Variants in ZFX observed in about 807,000 individuals in gnomAD.
The protein encoded by ZFX is zinc finger protein X-linked.
For missense variants in ZFX, 362 were observed against 628.3 expected, an observed-to-expected ratio of 0.58 and a Z score of 4.53; for synonymous variants, 196 against 226.8, an observed-to-expected ratio of 0.86 and a Z score of 1.22.
chrX:24,177,642 A>G, intron 4 of ZFX: 1 of 723,170 alleles, frequency 1.4e-6, no homozygotes, highest in Non-Finnish European at 1.6e-6. Context: ...TGTGGTCTTT[A>G]GTCCCTCTTT....
At position 24,156,659 on chromosome X, in the gene ZFX, C is replaced by CTTTTTTTTTTT. The variant is rs1344319365; in HGVS notation, c.-29+3829_-29+3830insTTTTTTTTTTT. 7.3e-5 allele frequency among the ~76,000 whole-genome samples: 4 copies of CTTTTTTTTTTT among 54,689 alleles called. 1 individual carries two copies. The highest frequency in any genetic ancestry group is 1.3e-4 in the African/African-American group (1 of 7,606). 47.5% of individuals were successfully genotyped at this position (54,689 alleles called of 115,157 possible). A position where few individuals can be genotyped will look rare whatever the true frequency, so the allele number is the denominator to read the frequency against. On this transcript the variant is annotated intron_variant, in intron 3 of 9. Transcript: ENST00000304543. ...CTATACTATCCTGATTTAATAATAG[C>CTTTTTTTTTTT]CTTTTTTTTTTTGGAGACGGAGTTT...
At chrX:24,189,073 G>A (rs1388926912) in intron 5 of ZFX, among the ~76,000 whole-genome samples, 6 of 112,099 alleles carry the variant, frequency 5.4e-5, no homozygotes, top group Admixed American at 9.5e-5. Flanking sequence ...TTCTGACCTC[G>A]TGATCCGCCT....
intron 5 of ZFX, among the ~76,000 whole-genome samples, chrX:24,197,431 CA>C (rs1261763387): frequency 9.0e-6 from 1 of 111,417 alleles, no homozygotes; most frequent in Non-Finnish European, 1.9e-5. Context: ...AGAGAAGCAA[CA>C]ATAAGAAAAA....
chrX:24,184,038 G>A lies in ZFX; in HGVS notation c.646+4268G>A, dbSNP rs1376596208. Reference sequence around the variant, plus strand: ...AGCCTCCCAAAATGCTGGGATTACAGGCGTGAGCCACCATGCCTGGCTGAA... The same window carrying A: ...AGCCTCCCAAAATGCTGGGATTACAAGCGTGAGCCACCATGCCTGGCTGAA... On this transcript the variant is annotated intron_variant, in intron 5 of 9. Transcript: ENST00000304543. Among the ~76,000 whole-genome samples, 3 of 112,019 alleles carry A rather than the reference G, an allele frequency of 2.7e-5. No individual in the cohort carries two copies. The Admixed American group carries it at 2.8e-4, about 11-fold the overall frequency.
intron 5 of ZFX, among the ~76,000 whole-genome samples, chrX:24,195,275 C>T (rs1490001881): frequency 1.8e-5 from 2 of 109,482 alleles, no homozygotes; most frequent in Non-Finnish European, 3.8e-5. Context: ...CTCACTGAAC[C>T]TCTGCCTCCC....
intron 5 of ZFX, among the ~76,000 whole-genome samples, chrX:24,183,374 C>T (rs1166322330): frequency 9.0e-6 from 1 of 111,173 alleles, no homozygotes; most frequent in Non-Finnish European, 1.9e-5. Flanking sequence ...TTAGTAGAGA[C>T]GGGGTTTCAC....
At chrX:24,210,132 G>C in intron 9 of ZFX, 61 bp from the exon 10 acceptor site, 2 of 1,197,962 alleles carry the variant, frequency 1.7e-6, no homozygotes, top group Non-Finnish European at 2.3e-6. Context: ...CTTTATATTC[G>C]CAAAGAAACT....
At chrX:24,208,732 C>T (rs1236302493) in intron 8 of ZFX, among the ~76,000 whole-genome samples, 168 bp from the exon 9 acceptor site, 2 of 111,376 alleles carry the variant, frequency 1.8e-5, no homozygotes, top group Non-Finnish European at 3.8e-5. Context: ...GCGTTTCCTA[C>T]GGTCTCGCGA....
At chrX:24,187,441 A>C (rs1348423931) in intron 5 of ZFX, among the ~76,000 whole-genome samples, 1 of 111,947 alleles carries the variant, frequency 8.9e-6, no homozygotes, top group Non-Finnish European at 1.9e-5. Flanking sequence ...TAGAATTCCA[A>C]AGATAACTAC....
chrX:24,199,653 C>T (rs957028955), intron 5 of ZFX, among the ~76,000 whole-genome samples: 1 of 111,304 alleles, frequency 9.0e-6, no homozygotes, highest in Non-Finnish European at 1.9e-5. Flanking sequence ...CACGGTGGCT[C>T]ATGCCTGTAA....
At chrX:24,182,500 C>T (rs901963157) in intron 5 of ZFX, among the ~76,000 whole-genome samples, 4 of 111,432 alleles carry the variant, frequency 3.6e-5, no homozygotes, top group African/African-American at 1.3e-4. Flanking sequence ...AGTTATCAGC[C>T]ACTGAGGAGA....
At chrX:24,153,097 T>C (rs1460263706) in intron 3 of ZFX, among the ~76,000 whole-genome samples, 1 of 112,419 alleles carries the variant, frequency 8.9e-6, no homozygotes, top group Non-Finnish European at 1.9e-5. Flanking sequence ...TTGCAAATGC[T>C]TACTCTCACT....
At chrX:24,204,032 C>A (rs985789901) in intron 5 of ZFX, among the ~76,000 whole-genome samples, 1 of 112,257 alleles carries the variant, frequency 8.9e-6, no homozygotes, top group Admixed American at 9.5e-5. Flanking sequence ...TTTTAAGTGA[C>A]TTGTTTGGTT....
chrX:24,163,368 T>TTTG (rs1933609264), intron 3 of ZFX, among the ~76,000 whole-genome samples: 2 of 19,581 alleles, frequency 1.0e-4, no homozygotes, highest in Non-Finnish European at 1.5e-4. Context: ...TGTTAGGTTT[T>TTTG]TTTTTTTTTT....
At chrX:24,168,671 C>CTTTTTTTTTTTTTTTTTTTTTTTT (rs141296315) in intron 3 of ZFX, among the ~76,000 whole-genome samples, 1 of 83,267 alleles carries the variant, frequency 1.2e-5, no homozygotes, top group Non-Finnish European at 2.3e-5. Context: ...TTCTTTCTTT[C>CTTTTTTTTTTTTTTTTTTTTTTTT]TTTTTTTTTT....
chrX:24,186,742 A>G lies in ZFX; in HGVS notation c.646+6972A>G, dbSNP rs191883319. 9.8e-5 allele frequency among the ~76,000 whole-genome samples: 11 copies of G among 112,035 alleles called. No homozygotes were observed. The East Asian group carries it at 3.1e-3, about 31-fold the overall frequency. On this transcript the variant is annotated intron_variant, in intron 5 of 9. Transcript: ENST00000304543. The stretch of plus-strand genomic sequence containing the variant: ...AGACACAGATGTTCATTGTCACAGT[A>G]TATAGCTACCTTTGAGGTCAGGATG...
chrX:24,173,650 A>C (rs1339611485), intron 4 of ZFX: 1 of 968,817 alleles, frequency 1.0e-6, no homozygotes, highest in East Asian at 3.4e-5. Context: ...CAGTGGCGCC[A>C]TCTGGGTCCA....
intron 9 of ZFX, 80 bp downstream of exon 9, chrX:24,209,120 C>T (rs1051758271): frequency 8.4e-7 from 1 of 1,187,480 alleles, no homozygotes; most frequent in East Asian, 3.0e-5. Flanking sequence ...ACAGGGGTGT[C>T]ACAATGGCAT....
At chrX:24,158,277 G>A (rs1338519052) in intron 3 of ZFX, among the ~76,000 whole-genome samples, 2 of 110,535 alleles carry the variant, frequency 1.8e-5, no homozygotes, top group Middle Eastern at 4.2e-3. Context: ...GTTCATGCCG[G>A]GTGTGGTGGT....
Sources: gnomAD v4.1 joint callset for allele counts (sites outside exome capture counted in the v4.1 genomes callset) on GRCh38, gnomAD v4.1.1 for gene constraint, MANE v1.5 for transcripts, NCBI Gene and HGNC (gene_info 2026-07-23, HGNC 2026-07-21) for gene names.